Variants in TBCA observed in about 807,000 individuals in gnomAD.
TBCA encodes tubulin folding cofactor A, also known as tubulin-specific chaperone A.
TBCA carries 6 observed loss-of-function variants against 15.8 expected under a neutral mutation model. The ratio of observed to expected loss-of-function variants is 0.38; its 90% CI spans 0.21 to 0.75. The LOEUF (loss-of-function observed/expected upper bound fraction) is 0.75. TBCA is among the 30% of genes least tolerant of loss of function. TBCA has a pLI of 0.46. For missense variants in TBCA, 90 were observed against 131.2 expected (o/e 0.69, Z 1.53); for synonymous variants, 32 against 42.3 (o/e 0.76, Z 0.94).
At chr5:77,697,517 A>C (rs2112423169) in intron 2 of TBCA, among the ~76,000 whole-genome samples, 1 of 152,248 alleles carries the variant, frequency 6.6e-6, no homozygotes. Context: ...ACATACTTTA[A>C]GTAGCCCATG....
intron 1 of TBCA, among the ~76,000 whole-genome samples, chr5:77,722,545 TTAAAGGTTTCACA>T (rs1254596248): frequency 1.3e-5 from 2 of 152,138 alleles, no homozygotes; most frequent in South Asian, 4.1e-4. Flanking sequence ...TCTTCCCCTC[TTAAAGGTTTCACA>T]TAATCACAGC....
At chr5:77,715,845 A>C (rs1317374573) in intron 1 of TBCA, among the ~76,000 whole-genome samples, 2 of 152,214 alleles carry the variant, frequency 1.3e-5, no homozygotes, top group Non-Finnish European at 2.9e-5. Flanking sequence ...TCCTTCAAAC[A>C]GGTATTAAAT....
intron 1 of TBCA, among the ~76,000 whole-genome samples, chr5:77,751,295 G>A (rs1263416904): frequency 4.6e-5 from 7 of 151,214 alleles, no homozygotes; most frequent in Non-Finnish European, 8.8e-5. Context: ...CTGGGTAGCT[G>A]GGATTATAGG....
chr5:77,724,935 C>T (rs1266175088), intron 1 of TBCA, among the ~76,000 whole-genome samples: 1 of 152,170 alleles, frequency 6.6e-6, no homozygotes, highest in Non-Finnish European at 1.5e-5. Context: ...TTCGTAACAT[C>T]ATCACAGTAA....
rs17210598 is a variant in TBCA, at chr5:77,718,309, T to C, written c.54-9962A>G. On this transcript the variant is annotated intron_variant, in intron 1 of 3. Transcript: ENST00000380377. ...AATATCAAGGCCTATAAACTGCAAC[T>C]TAATGGAGAGTGGGAATTAAGTAGC... is the stretch of plus-strand genomic sequence containing the variant. Among the ~76,000 whole-genome samples the C allele has an allele frequency of 8.9e-3, 1,359 of 152,310 alleles. 10 individuals are homozygous for C. The highest frequency in any genetic ancestry group is 0.075 in the Middle Eastern group (22 of 294).
intron 1 of TBCA, among the ~76,000 whole-genome samples, chr5:77,745,058 C>T (rs1466095645): frequency 6.6e-6 from 1 of 152,134 alleles, no homozygotes; most frequent in African/African-American, 2.4e-5. Flanking sequence ...AGTTAAATGA[C>T]ATACACATGA....
intron 1 of TBCA, among the ~76,000 whole-genome samples, chr5:77,775,084 C>T (rs1747991026): frequency 6.6e-6 from 1 of 151,674 alleles, no homozygotes; most frequent in Admixed American, 6.6e-5. Context: ...TGTTGTATTT[C>T]ACCCTGGCAA....
intron 1 of TBCA, among the ~76,000 whole-genome samples, chr5:77,729,460 G>C (rs1746711555): frequency 6.6e-6 from 1 of 152,192 alleles, no homozygotes; most frequent in South Asian, 2.1e-4. Context: ...CAGAAAAAAA[G>C]AGAATTAGAT....
chr5:77,692,259 T>A, intron 3 of TBCA: 1 of 985,372 alleles, frequency 1.0e-6, no homozygotes, highest in Non-Finnish European at 1.2e-6. Flanking sequence ...GTATTTAATA[T>A]GAAAACTGAA....
intron 3 of TBCA, chr5:77,692,034 T>C: frequency 1.0e-6 from 1 of 985,374 alleles, no homozygotes; most frequent in Non-Finnish European, 1.2e-6. Context: ...AATACATCTT[T>C]CATTTTCTGA....
At position 77,715,309 on chromosome 5, in the gene TBCA, T is replaced by G. The variant is rs967976090; in HGVS notation, c.54-6962A>C. ...TGAAACCAGGAAGTCCTTGTCAACATAATCCCTAACAAAGGAAAAATACAT... is the reference window on the plus strand; with the variant it reads ...TGAAACCAGGAAGTCCTTGTCAACAGAATCCCTAACAAAGGAAAAATACAT... On this transcript the variant is annotated intron_variant, in intron 1 of 3. Transcript: ENST00000380377. The G allele has an allele frequency of 7.1e-6, 5 of 701,986 alleles. No individual in the cohort carries two copies. The East Asian group carries it at 1.3e-4, about 19-fold the overall frequency. The allele number at this position is 701,986 out of a possible 1,614,324, so 43.5% of individuals were successfully genotyped here.
chr5:77,742,376 C>A (rs1424510376), intron 1 of TBCA, among the ~76,000 whole-genome samples: 2 of 152,164 alleles, frequency 1.3e-5, no homozygotes, highest in Non-Finnish European at 2.9e-5. Context: ...GTCTCTTCCT[C>A]ATCCCTCCCC....
At chr5:77,733,461 A>C (rs1746821255) in intron 1 of TBCA, among the ~76,000 whole-genome samples, 2 of 152,240 alleles carry the variant, frequency 1.3e-5, no homozygotes. Context: ...TAATAAAGCA[A>C]AACAGCCTTC....
chr5:77,708,961 A>G (rs939231776), intron 1 of TBCA, among the ~76,000 whole-genome samples: 1 of 151,096 alleles, frequency 6.6e-6, no homozygotes, highest in Non-Finnish European at 1.5e-5. Context: ...AGTATATACC[A>G]ATATATATTA....
At chr5:77,730,020 G>C (rs532903989) in intron 1 of TBCA, among the ~76,000 whole-genome samples, 19 of 152,266 alleles carry the variant, frequency 1.2e-4, no homozygotes, top group African/African-American at 2.2e-4. Flanking sequence ...CAGTCAGAAT[G>C]ATTAAACTGA....
At chr5:77,719,125 T>G (rs922495158) in intron 1 of TBCA, among the ~76,000 whole-genome samples, 4 of 152,158 alleles carry the variant, frequency 2.6e-5, no homozygotes, top group African/African-American at 9.7e-5. Context: ...ATAATTACCC[T>G]GCGTGGTAAG....
chr5:77,714,577 T>TATTA (rs1319539323), intron 1 of TBCA, among the ~76,000 whole-genome samples: 3 of 150,898 alleles, frequency 2.0e-5, no homozygotes, highest in African/African-American at 7.3e-5. Flanking sequence ...TTATTATTAT[T>TATTA]TTTTTTTGAG....
chr5:77,745,492 A>T (rs1440089918), intron 1 of TBCA, among the ~76,000 whole-genome samples: 1 of 152,240 alleles, frequency 6.6e-6, no homozygotes, highest in African/African-American at 2.4e-5. Context: ...TCATAATATG[A>T]GGAAGACACT....
At chr5:77,750,328 A>G (rs1747294378) in intron 1 of TBCA, among the ~76,000 whole-genome samples, 1 of 152,262 alleles carries the variant, frequency 6.6e-6, no homozygotes, top group Admixed American at 6.5e-5. Flanking sequence ...TCCTCAAGAA[A>G]CTTGAAATGT....
Sources: allele counts gnomAD v4.1 joint callset (sites outside exome capture counted in the v4.1 genomes callset), GRCh38; gene constraint gnomAD v4.1.1; transcripts MANE v1.5; gene names NCBI Gene and HGNC (gene_info 2026-07-23, HGNC 2026-07-21).